The following NINJ1 variants were observed in gnomAD, a reference collection of about 807,000 sequenced individuals.
NINJ1 encodes ninjurin 1, also known as ninjurin-1.
Under a neutral mutation model 12.7 loss-of-function variants are expected in NINJ1, and 6 were observed. The observed-to-expected ratio is 0.47, with a 90% confidence interval of 0.26 to 0.93. NINJ1 has a LOEUF of 0.93. Among genes scored for constraint, NINJ1 ranks in the 40% least tolerant of loss-of-function variants. The pLI is 0.15. For synonymous variants in NINJ1, 100 were observed against 96.0 expected (o/e 1.04, Z -0.25); for missense variants, 170 against 213.0 (o/e 0.80, Z 1.26).
intron 2 of NINJ1, 81 bp from the exon 3 acceptor site, chr9:93,125,143 C>T (rs1201067415): frequency 7.1e-7 from 1 of 1,409,494 alleles, no homozygotes; most frequent in South Asian, 1.4e-5. Context: ...AGGGGACCCA[C>T]CCCAGCGGTC....
intron 1 of NINJ1, among the ~76,000 whole-genome samples, chr9:93,133,280 C>T (rs1382400072): frequency 6.6e-6 from 1 of 152,246 alleles, no homozygotes; most frequent in Non-Finnish European, 1.5e-5. Context: ...AGTGTCTTTG[C>T]CCCAGTCTGG....
chr9:93,134,241 G>A lies in NINJ1; in HGVS notation c.-24C>T, dbSNP rs766364431. Reference sequence around the variant, plus strand: ...ATGGTGCGGCCGCCCAGGCCGCCAGGATCCGGGCCTGAGCGCGCCCGAGCC... The same window carrying A: ...ATGGTGCGGCCGCCCAGGCCGCCAGAATCCGGGCCTGAGCGCGCCCGAGCC... On this transcript the variant is annotated 5_prime_UTR_variant, in exon 1 of 4. Coordinates refer to ENST00000375446, the MANE Select transcript of NINJ1 (RefSeq NM_004148.4). 1.0e-5 allele frequency: 15 copies of A among 1,441,396 alleles called. No homozygotes were observed. The South Asian group carries it at 1.5e-4, about 14-fold the overall frequency. 89.3% of individuals were successfully genotyped at this position (1,441,396 alleles called of 1,614,324 possible). A position where few individuals can be genotyped will look rare whatever the true frequency, so the allele number is the denominator to read the frequency against.
chr9:93,126,492 G>A lies in NINJ1; in HGVS notation c.222C>T (p.Phe74=), dbSNP rs375893056. The change falls in exon 2 of 4, where the codon TTC becomes TTT. Residue 74 remains phenylalanine, a synonymous_variant. Coordinates refer to ENST00000375446, the MANE Select transcript of NINJ1 (RefSeq NM_004148.4). ...LKAVVEQGPS[F]AFYVPLVVLI... ...GGACCACCAGGGGCACATAGAAGGC[G>A]AAGCTGGGGCCCTGTTCCACGACGG... 20 of 1,614,112 alleles carry A rather than the reference G, an allele frequency of 1.2e-5. No homozygotes were observed. Among genetic ancestry groups the A allele is most frequent in the African/African-American group, 5.3e-5 (4 of 74,938 alleles).
intron 1 of NINJ1, among the ~76,000 whole-genome samples, chr9:93,129,942 G>A (rs1275328874): frequency 6.6e-6 from 1 of 152,210 alleles, no homozygotes; most frequent in Non-Finnish European, 1.5e-5. Flanking sequence ...CCAGTCCTGG[G>A]CACTTGCCTC....
intron 3 of NINJ1, among the ~76,000 whole-genome samples, chr9:93,122,465 C>G (rs2185973): frequency 0.86 from 106,476 of 124,436 alleles, 44,812 homozygotes; most frequent in Admixed American, 0.89. Context: ...AGAGGAGAGG[C>G]TCTGAGCCTG....
chr9:93,128,835 C>CA (rs1283331787), intron 1 of NINJ1, among the ~76,000 whole-genome samples: 3 of 151,310 alleles, frequency 2.0e-5, no homozygotes, highest in Non-Finnish European at 4.4e-5. Flanking sequence ...CCCAGAAAGA[C>CA]ACACATAGAC....
Position 93,125,038 on chromosome 9 carries a change from G to T in NINJ1, c.329C>A (p.Ala110Asp), listed in dbSNP as rs2275848. The change falls in exon 3 of 4, where the codon GCC (alanine) becomes GAC (aspartate). Residue 110 changes from alanine (A) to aspartate (D), a missense_variant. By Grantham distance (126) the Ala-to-Asp change is moderately radical. Coordinates refer to ENST00000375446, the MANE Select transcript of NINJ1 (RefSeq NM_004148.4). ...GAGGAAGTCCAGCTTGGCGTGCTTG[G>T]CCGGGTTGTTAAGGTCGTACTTGAC... ...FLVKYDLNNP[A>D]KHAKLDFLNN... 0.81 allele frequency: 1,299,667 copies of T among 1,613,308 alleles called. 524,719 individuals are homozygous for T. The highest frequency in any genetic ancestry group is 0.87 in the Admixed American group (52,135 of 59,892).
chr9:93,123,074 C>T (rs373135463), intron 3 of NINJ1, among the ~76,000 whole-genome samples: 1 of 152,236 alleles, frequency 6.6e-6, no homozygotes, highest in African/African-American at 2.4e-5. Flanking sequence ...TGACTTCAGG[C>T]TCCACGGCCG....
At chr9:93,122,557 G>A (rs1331080921) in intron 3 of NINJ1, among the ~76,000 whole-genome samples, 1 of 152,186 alleles carries the variant, frequency 6.6e-6, no homozygotes, top group East Asian at 1.9e-4. Flanking sequence ...GACTCAGGAA[G>A]GAGAAGAGCC....
intron 1 of NINJ1, among the ~76,000 whole-genome samples, chr9:93,128,457 C>T (rs1564219876): frequency 2.0e-5 from 3 of 152,224 alleles, no homozygotes; most frequent in Admixed American, 2.0e-4. Context: ...TAGGGGCTTC[C>T]TCCCAGGCTG....
In NINJ1 at chr9:93,134,204, G is replaced by A. The variant is rs1357756270; in HGVS notation, c.14C>T (p.Thr5Ile). The A allele has an allele frequency of 2.0e-6, 3 of 1,517,526 alleles. No individual in the cohort carries two copies. 94.0% of individuals were successfully genotyped at this position (1,517,526 alleles called of 1,614,324 possible). Residue 5 changes from threonine to isoleucine, a missense_variant, in exon 1 of 4, where the codon ACC becomes ATC. Physicochemically the swap from Thr to Ile is moderately conservative, Grantham distance 89. Transcript: ENST00000375446. ...GCCGCCGTTGAGCTCGTACTCCTCG[G>A]TTCCCGAGTCCATGGTGCGGCCGCC... MDSGTEEYELNGGLP... is the reference protein window; with the variant it reads MDSGIEEYELNGGLP...
At chr9:93,127,394 G>C (rs1827829394) in intron 1 of NINJ1, among the ~76,000 whole-genome samples, 1 of 152,134 alleles carries the variant, frequency 6.6e-6, no homozygotes, top group Admixed American at 6.5e-5. Context: ...TCTGGTCAGG[G>C]CCCCCTGCAG....
At chr9:93,126,198 AAAAACAAAAC>A (rs774017855) in intron 2 of NINJ1, 6 of 561,762 alleles carry the variant, frequency 1.1e-5, no homozygotes, top group African/African-American at 1.9e-5. Flanking sequence ...CCTTGTTTCA[AAAAACAAAAC>A]AAAACAAAAC....
At chr9:93,130,348 C>T (rs1030016232) in intron 1 of NINJ1, among the ~76,000 whole-genome samples, 20 of 152,316 alleles carry the variant, frequency 1.3e-4, no homozygotes, top group African/African-American at 4.8e-4. Flanking sequence ...GCAGGAGGGG[C>T]TGGCACAGAA....
intron 2 of NINJ1, 138 bp from the exon 3 acceptor site, chr9:93,125,200 G>A: frequency 2.4e-6 from 2 of 816,850 alleles, no homozygotes; most frequent in Non-Finnish European, 1.8e-6. Flanking sequence ...TTTAGGATGA[G>A]TTTTGTCGCC....
Position 93,123,353 on chromosome 9 carries a change from C to T in NINJ1, c.*10-1123G>A, listed in dbSNP as rs1431907082. Among the ~76,000 whole-genome samples, 7 of 152,044 alleles carry T rather than the reference C, an allele frequency of 4.6e-5. No individual in the cohort carries two copies. In the East Asian group the frequency reaches 1.3e-3, roughly 29 times the overall value. ...AGGCTGGAGTGCAATGGCGTGATCT[C>T]AGTTCACTGCAATCTCCACCTTCCA... is the stretch of plus-strand genomic sequence containing the variant. On this transcript the variant is annotated intron_variant, in intron 3 of 3. Transcript: ENST00000375446.
At chr9:93,126,703 G>T in intron 1 of NINJ1, 65 bp from the exon 2 acceptor site, 1 of 1,317,716 alleles carries the variant, frequency 7.6e-7, no homozygotes, top group South Asian at 1.3e-5. Context: ...GCCTGAGTCG[G>T]GCTCTGGGGG....
chr9:93,123,434 G>A (rs956974591), intron 3 of NINJ1, among the ~76,000 whole-genome samples: 12 of 152,136 alleles, frequency 7.9e-5, no homozygotes, highest in Non-Finnish European at 1.2e-4. Flanking sequence ...ACAGGCATGC[G>A]CCATCACGCC....
At chr9:93,131,149 C>T (rs1035176247) in intron 1 of NINJ1, among the ~76,000 whole-genome samples, 3 of 152,264 alleles carry the variant, frequency 2.0e-5, no homozygotes, top group Non-Finnish European at 4.4e-5. Flanking sequence ...GAGCCCTGCA[C>T]CGTCTCCTAC....
Sources: allele counts gnomAD v4.1 joint callset (sites outside exome capture counted in the v4.1 genomes callset), GRCh38; gene constraint gnomAD v4.1.1; transcripts MANE v1.5; gene names NCBI Gene and HGNC (gene_info 2026-07-23, HGNC 2026-07-21).